BIRC6: variants seen among roughly 807,000 people sequenced by gnomAD.
BIRC6 encodes baculoviral IAP repeat containing 6.
In BIRC6, 98 loss-of-function variants were observed where a neutral mutation model predicts 503.3. The observed-to-expected ratio is 0.19, with a 90% CI of 0.17 to 0.23. The LOEUF (loss-of-function observed/expected upper bound fraction) is 0.23, where lower values mean the gene tolerates loss of function less well. BIRC6 is among the 10% of genes least tolerant of loss of function. BIRC6 has a pLI of 1.00. For missense variants in BIRC6, 5,360 were observed against 5,806.0 expected, an observed-to-expected ratio of 0.92 and a Z score of 2.50; for synonymous variants, 2,240 against 2,078.7, an observed-to-expected ratio of 1.08 and a Z score of -2.11.
chr2:32,401,247 A>C lies in BIRC6; in HGVS notation c.1119A>C (p.Ala373=). The C allele has an allele frequency of 6.2e-7, 1 of 1,614,072 alleles. No homozygotes were observed. The highest frequency in any genetic ancestry group is 8.5e-7 in the Non-Finnish European group (1 of 1,179,902). ...ATGTGCCATTGTCAGTCACTCTTGC[A>C]ACAAGTCCTGCACAGTTTCCTTGTA... ...TQNVPLSVTL[A]TSPAQFPCTD... The change falls in exon 7 of 74, where the codon GCA becomes GCC. Residue 373 remains alanine, a synonymous_variant. Transcript: ENST00000421745.
chr2:32,360,623 G>C (rs868177892), intron 1 of BIRC6, among the ~76,000 whole-genome samples: 22 of 152,166 alleles, frequency 1.4e-4, no homozygotes, highest in African/African-American at 5.3e-4. Context: ...TCAAGACCTA[G>C]AGCGTATCTT....
intron 64 of BIRC6, 120 bp downstream of exon 64, chr2:32,548,134 C>A (rs2058177023): frequency 5.0e-6 from 4 of 802,138 alleles, no homozygotes; most frequent in Middle Eastern, 3.9e-4. Context: ...TGTGGTCCTT[C>A]TTCCCAGTGC....
intron 66 of BIRC6, among the ~76,000 whole-genome samples, chr2:32,582,300 C>T (rs1356204172): frequency 6.6e-6 from 1 of 151,986 alleles, no homozygotes; most frequent in Non-Finnish European, 1.5e-5. Context: ...TTGCTTGAGC[C>T]CAGGAGTTCA....
intron 61 of BIRC6, among the ~76,000 whole-genome samples, chr2:32,538,038 A>G (rs2057375757): frequency 6.6e-6 from 1 of 152,210 alleles, no homozygotes; most frequent in Admixed American, 6.5e-5. Flanking sequence ...CAGAAATTAA[A>G]GAGGATTTTA....
intron 21 of BIRC6, among the ~76,000 whole-genome samples, chr2:32,447,626 C>T (rs1475179723): frequency 1.2e-3 from 138 of 115,852 alleles, no homozygotes; most frequent in South Asian, 2.1e-3. Context: ...ACCTCCCTCC[C>T]GGACGGCGCG....
intron 66 of BIRC6, among the ~76,000 whole-genome samples, chr2:32,576,282 GAA>G: frequency 6.6e-6 from 1 of 152,254 alleles, no homozygotes; most frequent in African/African-American, 2.4e-5. Flanking sequence ...TATCTTTAAG[GAA>G]AACTGAATTG....
intron 62 of BIRC6, 113 bp from the exon 63 acceptor site, chr2:32,545,530 T>A (rs2057998262): frequency 1.2e-6 from 1 of 854,296 alleles, no homozygotes; most frequent in Admixed American, 2.0e-5. Context: ...TCTAAATAAT[T>A]TAGTGGTATA....
chr2:32,471,057 G>T lies in BIRC6; in HGVS notation c.6525G>T (p.Val2175=). The change falls in exon 32 of 74, where the codon GTG becomes GTT. Residue 2175 remains valine, a synonymous_variant. Transcript: ENST00000421745. ...TGATCAGTTGGGTTGTTATGCTGGT[G>T]TCCAGGTTGCTGGATTATGTGGCAA... is the stretch of plus-strand genomic sequence containing the variant. ...IPMISWVVML[V]SRLLDYVATV... is the part of the protein sequence containing the mutation. 1 of 1,583,222 alleles carries T rather than the reference G, an allele frequency of 6.3e-7. No homozygotes were observed. The highest frequency in any genetic ancestry group is 8.6e-7 in the Non-Finnish European group (1 of 1,162,702).
chr2:32,616,105 G>C (rs1245303073), intron 73 of BIRC6, among the ~76,000 whole-genome samples: 1 of 152,150 alleles, frequency 6.6e-6, no homozygotes, highest in Non-Finnish European at 1.5e-5. Flanking sequence ...AATCTCTATA[G>C]ATCTTCTTTT....
Position 32,518,382 on chromosome 2 carries a change from T to G in BIRC6, c.11478T>G (p.Leu3826=), listed in dbSNP as rs1156897378. 1.2e-6 allele frequency: 2 copies of G among 1,609,154 alleles called. No individual in the cohort carries two copies. The highest frequency in any genetic ancestry group is 3.4e-5 in the Admixed American group (2 of 58,724). ...MLEDEKVTMF[L]QSPCPLYKGR... is the part of the protein sequence containing the mutation. The stretch of plus-strand genomic sequence containing the variant: ...AAGATGAGAAAGTGACAATGTTTCT[T>G]CAGTCTCCATGTCCAGTGAGTATTT... The change falls in exon 56 of 74, where the codon CTT becomes CTG. Residue 3826 remains leucine, a synonymous_variant. Transcript: ENST00000421745.
At chr2:32,520,096 G>T (rs2055488400) in intron 57 of BIRC6, among the ~76,000 whole-genome samples, 2 of 152,178 alleles carry the variant, frequency 1.3e-5, no homozygotes, top group African/African-American at 4.8e-5. Flanking sequence ...TTTAATGGAA[G>T]CTGTGAACTG....
At chr2:32,589,424 A>G (rs1329879672) in intron 66 of BIRC6, among the ~76,000 whole-genome samples, 1 of 152,052 alleles carries the variant, frequency 6.6e-6, no homozygotes, top group African/African-American at 2.4e-5. Context: ...TTCAAGGCAT[A>G]TTTTCTACCA....
chr2:32,456,490 AATAT>A (rs1558776444), intron 23 of BIRC6, among the ~76,000 whole-genome samples: 3 of 152,246 alleles, frequency 2.0e-5, no homozygotes, highest in Non-Finnish European at 4.4e-5. Flanking sequence ...TTTTGTCTTG[AATAT>A]GAATGTGGAA....
At chr2:32,493,891 G>C (rs1462590881) in intron 45 of BIRC6, among the ~76,000 whole-genome samples, 2 of 152,094 alleles carry the variant, frequency 1.3e-5, no homozygotes, top group Non-Finnish European at 2.9e-5. Context: ...AATATGAAAG[G>C]AATACAGTTG....
rs141804353 is a variant in BIRC6, at chr2:32,554,053, C to A, written c.13144+4572C>A. 1.3e-3 allele frequency among the ~76,000 whole-genome samples: 196 copies of A among 152,152 alleles called. 1 individual carries two copies. Among genetic ancestry groups the A allele is most frequent in the African/African-American group, 4.5e-3 (188 of 41,506 alleles). ...ACCCCTCTGGCCACTAGATGGAGATCCTGTTTCATTTTAAGAAGTATTTGG... is the reference window on the plus strand; with the variant it reads ...ACCCCTCTGGCCACTAGATGGAGATACTGTTTCATTTTAAGAAGTATTTGG... On this transcript the variant is annotated intron_variant, in intron 65 of 73. Coordinates refer to ENST00000421745, the MANE Select transcript of BIRC6 (RefSeq NM_016252.4).
At chr2:32,523,692 A>T (rs1426949281) in intron 57 of BIRC6, 1 of 152,184 alleles carries the variant, frequency 6.6e-6, no homozygotes, top group Middle Eastern at 3.2e-3. Context: ...GATGTTGTTT[A>T]TTGTTTTATT....
At chr2:32,416,267 G>A (rs1324183890) in intron 10 of BIRC6, 104 bp downstream of exon 10, 24 of 1,206,960 alleles carry the variant, frequency 2.0e-5, no homozygotes, top group Non-Finnish European at 2.7e-5. Context: ...AGATGGGGAG[G>A]AATTAATTTT....
chr2:32,508,468 A>G (rs569490110), intron 51 of BIRC6, among the ~76,000 whole-genome samples: 1 of 151,844 alleles, frequency 6.6e-6, no homozygotes, highest in Non-Finnish European at 1.5e-5. Context: ...ATTAAGGTGT[A>G]TATATGTTTA....
chr2:32,547,475 G>A (rs540422323), intron 63 of BIRC6, among the ~76,000 whole-genome samples: 55 of 152,154 alleles, frequency 3.6e-4, no homozygotes, highest in Admixed American at 2.6e-3. Context: ...TGTTCCTTGC[G>A]TCTGTCTTCT....
Sources: allele counts gnomAD v4.1 joint callset (sites outside exome capture counted in the v4.1 genomes callset), GRCh38; gene constraint gnomAD v4.1.1; transcripts MANE v1.5; gene names NCBI Gene and HGNC (gene_info 2026-07-23, HGNC 2026-07-21).